HTR3B: variants seen among roughly 807,000 people sequenced by gnomAD.
The protein encoded by HTR3B is 5-hydroxytryptamine (serotonin) receptor 3B, ionotropic.
In HTR3B, 44 loss-of-function variants were observed where a neutral mutation model predicts 42.8. The observed-to-expected ratio is 1.03, with a 90% CI of 0.81 to 1.32. HTR3B has a LOEUF of 1.32. HTR3B is among the 40% of genes most tolerant of loss of function. The pLI is 0.00. For synonymous variants in HTR3B, 203 were observed against 209.0 expected, an observed-to-expected ratio of 0.97 and a Z score of 0.25; for missense variants, 527 against 536.5, an observed-to-expected ratio of 0.98 and a Z score of 0.17.
At chr11:113,930,017 C>T (rs1453240432) in intron 2 of HTR3B, among the ~76,000 whole-genome samples, 1 of 152,078 alleles carries the variant, frequency 6.6e-6, no homozygotes, top group African/African-American at 2.4e-5. Context: ...ATTACAGGTG[C>T]GAGCCACCGC....
At chr11:113,907,655 G>A (rs1949743598) in intron 1 of HTR3B, among the ~76,000 whole-genome samples, 1 of 152,160 alleles carries the variant, frequency 6.6e-6, no homozygotes, top group South Asian at 2.1e-4. Context: ...TCTATGGATT[G>A]CTTCCTAGAC....
At chr11:113,912,277 TC>T (rs1273415292) in intron 2 of HTR3B, among the ~76,000 whole-genome samples, 39 of 152,310 alleles carry the variant, frequency 2.6e-4, no homozygotes, top group Non-Finnish European at 4.3e-4. Context: ...GAGACCTTGC[TC>T]TGTTACCCAG....
chr11:113,901,059 G>A (rs933670691), upstream of HTR3B, among the ~76,000 whole-genome samples: 1 of 152,060 alleles, frequency 6.6e-6, no homozygotes, highest in Non-Finnish European at 1.5e-5. Context: ...CATATTAGTG[G>A]ATGAAAAATG....
chr11:113,926,055 C>T (rs1949968194), intron 2 of HTR3B, among the ~76,000 whole-genome samples: 1 of 152,170 alleles, frequency 6.6e-6, no homozygotes, highest in Non-Finnish European at 1.5e-5. Flanking sequence ...TAGGCAAACA[C>T]TCATCTACTT....
intron 6 of HTR3B, among the ~76,000 whole-genome samples, chr11:113,942,308 C>T (rs926767841): frequency 2.0e-5 from 3 of 151,918 alleles, no homozygotes; most frequent in African/African-American, 7.2e-5. Flanking sequence ...ACTAAAAATA[C>T]AAAAAATAAG....
upstream of HTR3B, among the ~76,000 whole-genome samples, chr11:113,904,290 G>A (rs1056067372): frequency 6.6e-6 from 1 of 152,176 alleles, no homozygotes; most frequent in Non-Finnish European, 1.5e-5. Context: ...TGTGAGCAGT[G>A]AAAATTTGAG....
intron 2 of HTR3B, among the ~76,000 whole-genome samples, chr11:113,919,626 C>T (rs1022151393): frequency 1.7e-4 from 26 of 151,900 alleles, no homozygotes; most frequent in African/African-American, 5.6e-4. Context: ...GTCAGGAGTT[C>T]GAGACCAGCC....
intron 2 of HTR3B, among the ~76,000 whole-genome samples, chr11:113,919,669 A>T (rs1009091601): frequency 2.6e-5 from 4 of 152,060 alleles, no homozygotes; most frequent in Non-Finnish European, 5.9e-5. Context: ...TCTACTAAAA[A>T]AATACAAAAT....
At chr11:113,938,346 T>G (rs1040913171) in intron 6 of HTR3B, among the ~76,000 whole-genome samples, 1 of 152,152 alleles carries the variant, frequency 6.6e-6, no homozygotes, top group African/African-American at 2.4e-5. Context: ...GTGTCAACTC[T>G]TAAGTCCAAA....
At chr11:113,900,968 A>G (rs1472099022), upstream of HTR3B, among the ~76,000 whole-genome samples, 1 of 152,090 alleles carries the variant, frequency 6.6e-6, no homozygotes, top group African/African-American at 2.4e-5. Flanking sequence ...CCATGATCCA[A>G]TAACCTCTCA....
intron 6 of HTR3B, among the ~76,000 whole-genome samples, chr11:113,934,415 AAAG>A (rs1342565309): frequency 6.6e-6 from 1 of 151,410 alleles, no homozygotes; most frequent in Non-Finnish European, 1.5e-5. Flanking sequence ...AGAAAAAAAG[AAAG>A]AAAGAAAGAA....
At chr11:113,911,586 G>A (rs1367740005) in intron 2 of HTR3B, among the ~76,000 whole-genome samples, 1 of 151,756 alleles carries the variant, frequency 6.6e-6, no homozygotes, top group Non-Finnish European at 1.5e-5. Flanking sequence ...GAGTGCTGTG[G>A]CACCATCTTG....
intron 6 of HTR3B, among the ~76,000 whole-genome samples, chr11:113,938,756 G>A (rs142138799): frequency 8.3e-4 from 126 of 152,256 alleles, no homozygotes; most frequent in African/African-American, 3.0e-3. Context: ...TGTGGCTAAC[G>A]ACTTTGGGAG....
intron 4 of HTR3B, 72 bp from the exon 5 acceptor site, chr11:113,932,217 T>G: frequency 7.9e-7 from 1 of 1,271,734 alleles, no homozygotes; most frequent in Non-Finnish European, 1.1e-6. Flanking sequence ...CACTACCATC[T>G]CCTAATCAGC....
At chr11:113,934,609 A>G (rs1413335817) in intron 6 of HTR3B, among the ~76,000 whole-genome samples, 3 of 152,156 alleles carry the variant, frequency 2.0e-5, no homozygotes, top group African/African-American at 7.2e-5. Flanking sequence ...TGACTAATGT[A>G]TAATGCTGGC....
At chr11:113,945,693 A>G (rs776107618) in intron 8 of HTR3B, among the ~76,000 whole-genome samples, 2 of 152,180 alleles carry the variant, frequency 1.3e-5, no homozygotes, top group African/African-American at 4.8e-5. Flanking sequence ...TGCTTACATA[A>G]TAACAGCTCT....
intron 2 of HTR3B, among the ~76,000 whole-genome samples, chr11:113,922,232 G>T (rs532547236): frequency 1.7e-4 from 26 of 150,080 alleles, no homozygotes; most frequent in African/African-American, 6.2e-4. Context: ...TTTCTTTTTT[G>T]TTTTTATTTA....
intron 8 of HTR3B, among the ~76,000 whole-genome samples, chr11:113,945,522 C>G (rs938690086): frequency 1.3e-5 from 2 of 152,188 alleles, no homozygotes; most frequent in Non-Finnish European, 2.9e-5. Flanking sequence ...CTGGCATGCA[C>G]GTGCACACAT....
upstream of HTR3B, among the ~76,000 whole-genome samples, chr11:113,903,698 G>T (rs1241094839): frequency 6.6e-6 from 1 of 152,058 alleles, no homozygotes; most frequent in South Asian, 2.1e-4. Context: ...AAAGTGCTGG[G>T]ATTACAGGCT....
Sources: gnomAD v4.1 joint callset for allele counts (sites outside exome capture counted in the v4.1 genomes callset) on GRCh38, gnomAD v4.1.1 for gene constraint, MANE v1.5 for transcripts, NCBI Gene and HGNC (gene_info 2026-07-23, HGNC 2026-07-21) for gene names.